TLCD4: variants seen among roughly 807,000 people sequenced by gnomAD.
TLCD4 encodes the protein TLC domain-containing protein 4.
A neutral mutation model predicts 24.2 loss-of-function variants in TLCD4; 7 were observed. That is an observed-to-expected ratio of 0.29 (90% CI 0.16 to 0.54). The LOEUF (loss-of-function observed/expected upper bound fraction) is 0.54. Among genes scored for constraint, TLCD4 ranks in the 20% least tolerant of loss-of-function variants. The pLI, the probability that TLCD4 is intolerant of heterozygous loss-of-function variation, is 0.95. For missense variants in TLCD4, 259 were observed against 313.9 expected (o/e 0.82, Z 1.32); for synonymous variants, 103 against 106.4 (o/e 0.97, Z 0.20).
upstream of TLCD4, among the ~76,000 whole-genome samples, chr1:95,114,442 A>G: frequency 6.6e-6 from 1 of 152,058 alleles, no homozygotes; most frequent in Admixed American, 6.6e-5. Flanking sequence ...TAATTTTTAG[A>G]AAAAAAACAG....
At chr1:95,105,893 T>TCAAAAAAAAAAAAAAAAAAAAAAAA in the TLCD4 span, among the ~76,000 whole-genome samples, 101 of 102,838 alleles carry the variant, frequency 9.8e-4, 13 homozygotes, top group Non-Finnish European at 1.4e-3. Flanking sequence ...AGACTCCGTC[T>TCAAAAAAAAAAAAAAAAAAAAAAAA]TAAAAAAAAA....
chr1:95,176,552 T>C (rs1334057605), intron 6 of TLCD4, among the ~76,000 whole-genome samples: 1 of 152,236 alleles, frequency 6.6e-6, no homozygotes, highest in African/African-American at 2.4e-5. Flanking sequence ...ATTGATACTT[T>C]ATCAAATACA....
At chr1:95,105,648 C>A in the TLCD4 span, among the ~76,000 whole-genome samples, 2 of 152,116 alleles carry the variant, frequency 1.3e-5, no homozygotes, top group African/African-American at 4.8e-5. Context: ...GTAATCCCAG[C>A]ACTTTGGGAG....
chr1:95,116,887 C>T (rs981985811), upstream of TLCD4, among the ~76,000 whole-genome samples: 4 of 152,182 alleles, frequency 2.6e-5, no homozygotes, highest in African/African-American at 9.7e-5. Flanking sequence ...TGGTATGCAC[C>T]TGCAGCCCCA....
intron 1 of TLCD4, among the ~76,000 whole-genome samples, chr1:95,134,405 C>T (rs1011051177): frequency 6.6e-6 from 1 of 151,986 alleles, no homozygotes; most frequent in African/African-American, 2.4e-5. Flanking sequence ...AGAAATAAGG[C>T]CTGAAGGGGC....
intron 5 of TLCD4, among the ~76,000 whole-genome samples, chr1:95,159,990 C>T (rs1012941198): frequency 3.3e-5 from 5 of 152,192 alleles, no homozygotes; most frequent in Non-Finnish European, 5.9e-5. Flanking sequence ...GCAATGCGGG[C>T]TCTTTTTTCA....
At chr1:95,128,847 A>C (rs1403866204) in intron 1 of TLCD4, among the ~76,000 whole-genome samples, 9 of 152,226 alleles carry the variant, frequency 5.9e-5, no homozygotes, top group Non-Finnish European at 1.2e-4. Flanking sequence ...GAAGGCATTT[A>C]GTATAGGATG....
At chr1:95,142,212 A>T (rs1677218020) in intron 1 of TLCD4, among the ~76,000 whole-genome samples, 2 of 147,774 alleles carry the variant, frequency 1.4e-5, no homozygotes, top group Non-Finnish European at 1.5e-5. Flanking sequence ...TAGAAAACAC[A>T]CTTTGAGTGT....
chr1:95,101,579 T>G, the TLCD4 span, among the ~76,000 whole-genome samples: 2 of 152,114 alleles, frequency 1.3e-5, no homozygotes, highest in Non-Finnish European at 2.9e-5. Context: ...CTTTTTAAAG[T>G]GCAGAGCTCT....
chr1:95,153,866 GA>G (rs1677557490), intron 5 of TLCD4, among the ~76,000 whole-genome samples: 1 of 152,142 alleles, frequency 6.6e-6, no homozygotes, highest in African/African-American at 2.4e-5. Flanking sequence ...CTACTAAGTG[GA>G]AGGGGGAGTA....
chr1:95,173,729 C>G (rs1452242558), intron 5 of TLCD4, 87 bp from the exon 6 acceptor site: 2 of 1,555,898 alleles, frequency 1.3e-6, no homozygotes, highest in Non-Finnish European at 1.8e-6. Flanking sequence ...TTATATTATG[C>G]TGAGAAGCTA....
chr1:95,176,633 A>T (rs1678440670), intron 6 of TLCD4, among the ~76,000 whole-genome samples: 1 of 152,184 alleles, frequency 6.6e-6, no homozygotes, highest in Non-Finnish European at 1.5e-5. Flanking sequence ...TTTGATGTGC[A>T]GAAGATTTTA....
At chr1:95,136,425 A>G (rs1000017455) in intron 1 of TLCD4, among the ~76,000 whole-genome samples, 1 of 152,230 alleles carries the variant, frequency 6.6e-6, no homozygotes, top group Non-Finnish European at 1.5e-5. Flanking sequence ...CAGCTAATCA[A>G]GATAATTTCA....
intron 1 of TLCD4, among the ~76,000 whole-genome samples, chr1:95,130,045 A>G (rs1489799728): frequency 2.0e-5 from 3 of 152,232 alleles, no homozygotes; most frequent in Admixed American, 6.5e-5. Context: ...AGCAAAAACT[A>G]TAACTGCAGT....
intron 1 of TLCD4, among the ~76,000 whole-genome samples, chr1:95,135,555 G>A (rs1269967600): frequency 3.3e-5 from 5 of 151,626 alleles, no homozygotes; most frequent in Non-Finnish European, 7.4e-5. Context: ...ATACCACCAC[G>A]CCCGGCTAAT....
chr1:95,139,081 G>A (rs11165319), intron 1 of TLCD4, among the ~76,000 whole-genome samples: 10,245 of 149,850 alleles, frequency 0.068, 482 homozygotes, highest in East Asian at 0.2. Flanking sequence ...AGGCTGAGGC[G>A]GGAGGATCAC....
intron 6 of TLCD4, among the ~76,000 whole-genome samples, chr1:95,178,266 T>G (rs1678505091): frequency 6.6e-6 from 1 of 150,912 alleles, no homozygotes; most frequent in Non-Finnish European, 1.5e-5. Flanking sequence ...TTTTTATTAT[T>G]TATTTGTTTT....
At chr1:95,188,233 A>C (rs1055440401) in intron 6 of TLCD4, among the ~76,000 whole-genome samples, 2 of 151,922 alleles carry the variant, frequency 1.3e-5, no homozygotes, top group Non-Finnish European at 2.9e-5. Context: ...TACAAAATAC[A>C]AAAAATTAGC....
intron 6 of TLCD4, among the ~76,000 whole-genome samples, chr1:95,185,804 C>G (rs967037885): frequency 1.3e-5 from 2 of 152,122 alleles, no homozygotes; most frequent in African/African-American, 2.4e-5. Flanking sequence ...GGTCAACAAT[C>G]AGGTGTTTGG....
Sources: gnomAD v4.1 joint callset for allele counts (sites outside exome capture counted in the v4.1 genomes callset) on GRCh38, gnomAD v4.1.1 for gene constraint, MANE v1.5 for transcripts, NCBI Gene and HGNC (gene_info 2026-07-23, HGNC 2026-07-21) for gene names.